Variants in CHRM2 observed in about 807,000 individuals in gnomAD.
The protein encoded by CHRM2 is cholinergic receptor muscarinic 2.
CHRM2 carries 8 observed loss-of-function variants against 25.0 expected under a neutral mutation model. The observed-to-expected ratio is 0.32, with a 90% CI of 0.19 to 0.58. The LOEUF is 0.58. CHRM2 is among the 20% of genes least tolerant of loss of function. The probability of loss-of-function intolerance (pLI) is 0.88; values close to 1 mark genes in which losing one functional copy is unlikely to be tolerated. For missense variants in CHRM2, 440 were observed against 567.1 expected (o/e 0.78, Z 2.28); for synonymous variants, 202 against 205.7 (o/e 0.98, Z 0.15).
intron 2 of CHRM2, among the ~76,000 whole-genome samples, chr7:136,878,695 C>T (rs145201913): frequency 4.6e-4 from 70 of 151,984 alleles, no homozygotes; most frequent in African/African-American, 1.7e-3. Flanking sequence ...CATGCCCACC[C>T]GATGTGGTAA....
At chr7:136,934,025 G>A (rs545478079) in intron 2 of CHRM2, among the ~76,000 whole-genome samples, 6 of 152,252 alleles carry the variant, frequency 3.9e-5, no homozygotes, top group Non-Finnish European at 8.8e-5. Flanking sequence ...GGAGACAATT[G>A]TATAGCTCTG....
chr7:136,911,639 C>G (rs1304247032), intron 2 of CHRM2, among the ~76,000 whole-genome samples: 1 of 151,938 alleles, frequency 6.6e-6, no homozygotes, highest in Non-Finnish European at 1.5e-5. Flanking sequence ...CAACTAGTCA[C>G]AATCTAGGTC....
At chr7:136,968,229 C>T (rs1429231794) in intron 2 of CHRM2, among the ~76,000 whole-genome samples, 1 of 151,944 alleles carries the variant, frequency 6.6e-6, no homozygotes, top group Non-Finnish European at 1.5e-5. Flanking sequence ...TCTCTGTTCC[C>T]CATCCCACTG....
At chr7:136,938,332 C>T (rs1584788590) in intron 2 of CHRM2, 10 of 1,508,062 alleles carry the variant, frequency 6.6e-6, no homozygotes, top group South Asian at 2.2e-5. Context: ...CATGTTGCTC[C>T]GAGTCGTCGT....
intron 2 of CHRM2, among the ~76,000 whole-genome samples, chr7:136,975,262 G>C (rs1802037084): frequency 6.6e-6 from 1 of 152,128 alleles, no homozygotes; most frequent in African/African-American, 2.4e-5. Context: ...TTTCCTGTTT[G>C]TGTTCTGGAG....
At chr7:136,890,040 C>A (rs1404315794) in intron 2 of CHRM2, among the ~76,000 whole-genome samples, 1 of 152,172 alleles carries the variant, frequency 6.6e-6, no homozygotes, top group Admixed American at 6.5e-5. Context: ...CCAGCATGAA[C>A]TTTACAATTA....
intron 2 of CHRM2, among the ~76,000 whole-genome samples, chr7:136,960,846 C>A (rs746819017): frequency 4.6e-5 from 7 of 152,164 alleles, no homozygotes; most frequent in Admixed American, 6.5e-5. Context: ...ATGCATTTGG[C>A]AGGGCACAGT....
At position 136,882,510 on chromosome 7, in the gene CHRM2, T is replaced by A. The variant is rs1360724465; in HGVS notation, c.-125+13092T>A. Among the ~76,000 whole-genome samples, 3 of 151,860 alleles carry A rather than the reference T, an allele frequency of 2.0e-5. No homozygotes were observed. The East Asian group carries it at 5.8e-4, about 29-fold the overall frequency. On this transcript the variant is annotated intron_variant, in intron 2 of 3. Coordinates refer to ENST00000680005, the MANE Select transcript of CHRM2 (RefSeq NM_001006630.2). ...ATTCTTGGCACATAGCAGAGCTCAA[T>A]AAATGTTTATTTAATGATACTTTAT...
intron 2 of CHRM2, among the ~76,000 whole-genome samples, chr7:136,935,440 G>A (rs1457625782): frequency 6.6e-6 from 1 of 152,116 alleles, no homozygotes; most frequent in African/African-American, 2.4e-5. Flanking sequence ...TCATTAAAAT[G>A]GTAGGTACGA....
Position 136,898,197 on chromosome 7 carries a change from A to G in CHRM2, c.-125+28779A>G, listed in dbSNP as rs553995888. Among the ~76,000 whole-genome samples the G allele has an allele frequency of 3.9e-5, 6 of 152,240 alleles. No homozygotes were observed. The East Asian group carries it at 1.2e-3, about 29-fold the overall frequency. ...TATGTATTTCTCATAGTCCATATAC[A>G]TGGTTTTTGAAATGCTTATCTGATA... On this transcript the variant is annotated intron_variant, in intron 2 of 3. Transcript: ENST00000680005.
Position 137,016,022 on chromosome 7 carries a change from C to A in CHRM2, c.1157C>A (p.Thr386Asn). ...KPPPSREKKV[T>N]RTILAILLAF... ...CCTCCTTCCCGGGAAAAGAAAGTCA[C>A]CAGGACAATCTTGGCTATTCTGTTG... The change falls in exon 4 of 4, where the codon ACC becomes AAC. Residue 386 changes from threonine (T) to asparagine (N), a missense_variant. Thr to Asn is a moderately conservative substitution (Grantham distance 65). Coordinates refer to ENST00000680005, the MANE Select transcript of CHRM2 (RefSeq NM_001006630.2). 6.2e-7 allele frequency: 1 copy of A among 1,613,082 alleles called. No individual in the cohort carries two copies. The highest frequency in any genetic ancestry group is 8.5e-7 in the Non-Finnish European group (1 of 1,179,442).
chr7:136,944,896 C>A (rs534222248), intron 2 of CHRM2, among the ~76,000 whole-genome samples: 1 of 152,166 alleles, frequency 6.6e-6, no homozygotes, highest in South Asian at 2.1e-4. Flanking sequence ...CTTTTCACCA[C>A]ATCCATACCA....
At chr7:136,921,790 C>CTTACTTTTTTTTTTTTTTTTTTTTTTT (rs1798451991) in intron 2 of CHRM2, among the ~76,000 whole-genome samples, 3 of 113,992 alleles carry the variant, frequency 2.6e-5, no homozygotes, top group Non-Finnish European at 6.7e-5. Context: ...TTCTTTCTTT[C>CTTACTTTTTTTTTTTTTTTTTTTTTTT]TTTCTTTTTT....
In CHRM2 at chr7:137,018,740, A is replaced by G. The variant is rs1805299695; in HGVS notation, c.*2474A>G. On this transcript the variant is annotated 3_prime_UTR_variant, in exon 4 of 4. Coordinates refer to ENST00000680005, the MANE Select transcript of CHRM2 (RefSeq NM_001006630.2). ...AGCCACTGCAACCTCATTGAAAGAGAAACTGTCACTTTAAAGAAAGAAATT... is the reference window on the plus strand; with the variant it reads ...AGCCACTGCAACCTCATTGAAAGAGGAACTGTCACTTTAAAGAAAGAAATT... 1.3e-5 allele frequency: 2 copies of G among 151,880 alleles called. No homozygotes were observed. Among genetic ancestry groups the G allele is most frequent in the Non-Finnish European group, 2.9e-5 (2 of 67,916 alleles). 9.4% of individuals were successfully genotyped at this position (151,880 alleles called of 1,614,324 possible).
chr7:136,890,710 A>G (rs549167309), intron 2 of CHRM2, among the ~76,000 whole-genome samples: 82 of 152,322 alleles, frequency 5.4e-4, no homozygotes, highest in African/African-American at 1.9e-3. Context: ...TATATGATTG[A>G]TGGTTCTATC....
intron 2 of CHRM2, among the ~76,000 whole-genome samples, chr7:136,945,594 C>T (rs757561309): frequency 3.9e-4 from 59 of 152,078 alleles, no homozygotes; most frequent in Non-Finnish European, 6.2e-4. Context: ...TGTTTTTATA[C>T]TAGTTCCTTG....
Position 136,939,455 on chromosome 7 carries a change from A to G in CHRM2, c.-124-52732A>G, listed in dbSNP as rs183556205. 1.2e-4 allele frequency among the ~76,000 whole-genome samples: 19 copies of G among 152,330 alleles called. No individual in the cohort carries two copies. In the East Asian group the frequency reaches 3.7e-3, roughly 29 times the overall value. On this transcript the variant is annotated intron_variant, in intron 2 of 3. Transcript: ENST00000680005. ...TTTCTTTTTCTGCAAAGTAAGGATA[A>G]TATTATTTACTCTGCCCAACTAATG...
chr7:136,964,178 T>C (rs1170165683), intron 2 of CHRM2, among the ~76,000 whole-genome samples: 3 of 152,046 alleles, frequency 2.0e-5, no homozygotes, highest in Non-Finnish European at 2.9e-5. Context: ...TAGAATATAA[T>C]TTTCAAAAAA....
At chr7:136,928,369 C>G (rs1798862073) in intron 2 of CHRM2, among the ~76,000 whole-genome samples, 1 of 152,092 alleles carries the variant, frequency 6.6e-6, no homozygotes, top group Admixed American at 6.5e-5. Flanking sequence ...TGTAAAATAT[C>G]TAGCATAGAG....
Sources: gnomAD v4.1 joint callset for allele counts (sites outside exome capture counted in the v4.1 genomes callset) on GRCh38, gnomAD v4.1.1 for gene constraint, MANE v1.5 for transcripts, NCBI Gene and HGNC (gene_info 2026-07-23, HGNC 2026-07-21) for gene names.